PKHD1: variants seen among roughly 807,000 people sequenced by gnomAD.
PKHD1 encodes fibrocystin.
In PKHD1, 291 loss-of-function variants were observed where a neutral mutation model predicts 412.0. That is an observed-to-expected ratio of 0.71 (90% CI 0.64 to 0.78). PKHD1 has a LOEUF of 0.78. PKHD1 is among the 30% of genes least tolerant of loss of function. The probability of loss-of-function intolerance (pLI) is 0.00; values close to 1 mark genes in which losing one functional copy is unlikely to be tolerated. For missense variants in PKHD1, 4,825 were observed against 4,950.7 expected, an observed-to-expected ratio of 0.97 and a Z score of 0.76; for synonymous variants, 1,777 against 1,821.5, an observed-to-expected ratio of 0.98 and a Z score of 0.62.
intron 52 of PKHD1, among the ~76,000 whole-genome samples, chr6:51,815,277 G>A (rs909681753): frequency 2.6e-5 from 4 of 152,138 alleles, no homozygotes; most frequent in African/African-American, 7.2e-5. Context: ...CTCTGTTCTC[G>A]AGGTGACATA....
intron 63 of PKHD1, among the ~76,000 whole-genome samples, chr6:51,642,032 C>G (rs1040991232): frequency 2.6e-5 from 4 of 151,962 alleles, no homozygotes; most frequent in African/African-American, 9.7e-5. Flanking sequence ...TATCCCAGAA[C>G]TTAAAGTATA....
intron 31 of PKHD1, among the ~76,000 whole-genome samples, chr6:52,027,563 A>G (rs1370205900): frequency 1.3e-5 from 2 of 149,082 alleles, no homozygotes; most frequent in Admixed American, 6.7e-5. Context: ...GAAGAAGAAG[A>G]AGGAGAAGAA....
intron 36 of PKHD1, among the ~76,000 whole-genome samples, chr6:51,952,556 A>ATTTGC (rs1790522506): frequency 1.3e-5 from 2 of 152,140 alleles, no homozygotes; most frequent in South Asian, 4.1e-4. Flanking sequence ...GGAAGAAAAA[A>ATTTGC]TACACCTTGA....
At chr6:51,980,265 A>G (rs986276308) in intron 35 of PKHD1, among the ~76,000 whole-genome samples, 5 of 152,216 alleles carry the variant, frequency 3.3e-5, no homozygotes, top group African/African-American at 7.2e-5. Context: ...TTCAAATATT[A>G]TAGAAAATAT....
chr6:51,755,143 T>C (rs1786755179), intron 55 of PKHD1, among the ~76,000 whole-genome samples: 1 of 152,146 alleles, frequency 6.6e-6, no homozygotes, highest in Admixed American at 6.6e-5. Flanking sequence ...TGAAAATGTA[T>C]ATGTTACAGA....
intron 66 of PKHD1, among the ~76,000 whole-genome samples, chr6:51,620,748 A>C (rs1265667835): frequency 6.7e-6 from 1 of 149,942 alleles, no homozygotes; most frequent in Non-Finnish European, 1.5e-5. Context: ...AATCTGGAAA[A>C]TGAGGTAAGG....
intron 60 of PKHD1, among the ~76,000 whole-genome samples, chr6:51,740,504 T>G (rs1044789411): frequency 3.3e-5 from 5 of 152,214 alleles, no homozygotes; most frequent in African/African-American, 1.2e-4. Flanking sequence ...TCAATGACAT[T>G]TGGAATAAAT....
At position 51,831,069 on chromosome 6, in the gene PKHD1, G is replaced by A. The variant is rs894235943; in HGVS notation, c.8174-80C>T. The A allele has an allele frequency of 1.4e-5, 15 of 1,066,210 alleles. No individual in the cohort carries two copies. The African/African-American group carries it at 2.2e-4, about 16-fold the overall frequency. The allele number at this position is 1,066,210 out of a possible 1,614,324, so 66.0% of individuals were successfully genotyped here. A position where few individuals can be genotyped will look rare whatever the true frequency, so the allele number is the denominator to read the frequency against. ...TCTATCCTTATTTTAGGATGCTAGT[G>A]GTATTTTCACCTCCCAAAGAAGCTG... On this transcript the variant is annotated intron_variant, in intron 51 of 66. Coordinates refer to ENST00000371117, the MANE Select transcript of PKHD1 (RefSeq NM_138694.4).
intron 60 of PKHD1, among the ~76,000 whole-genome samples, chr6:51,661,759 T>C (rs886513539): frequency 2.0e-5 from 3 of 152,100 alleles, no homozygotes; most frequent in African/African-American, 7.2e-5. Flanking sequence ...TGATTTAAAA[T>C]TTATATTCAC....
rs781740739 is a variant in PKHD1, at chr6:52,022,828, A to G, written c.5353T>C (p.Phe1785Leu). ...RVLANATVSA[F>L]SCLVLPLDVS... is the part of the protein sequence containing the mutation. ...TCCAGGGGCAGAACCAAGCAGCTGA[A>G]GGCAGACACTGTAGCATTAGCCAGG... The change falls in exon 33 of 67, where the codon TTC becomes CTC. Residue 1785 changes from phenylalanine to leucine, a missense_variant. Physicochemically the swap from Phe to Leu is conservative, Grantham distance 22. Transcript: ENST00000371117. 7 of 1,614,124 alleles carry G rather than the reference A, an allele frequency of 4.3e-6. No homozygotes were observed. The Middle Eastern group carries it at 4.9e-4, about 114-fold the overall frequency.
intron 60 of PKHD1, among the ~76,000 whole-genome samples, chr6:51,717,672 A>G (rs573258556): frequency 2.0e-5 from 3 of 152,334 alleles, no homozygotes; most frequent in East Asian, 1.9e-4. Flanking sequence ...TGCTAACACA[A>G]TGATTAAATA....
At chr6:52,040,690 A>C (rs968358847) in intron 27 of PKHD1, among the ~76,000 whole-genome samples, 3 of 152,076 alleles carry the variant, frequency 2.0e-5, no homozygotes, top group African/African-American at 7.2e-5. Context: ...GTTCCTTCTG[A>C]CTTGAACTGT....
At chr6:51,773,627 A>G (rs1790514927) in intron 54 of PKHD1, among the ~76,000 whole-genome samples, 1 of 151,530 alleles carries the variant, frequency 6.6e-6, no homozygotes, top group Non-Finnish European at 1.5e-5. Flanking sequence ...CTGCACCCAA[A>G]TGTATTGTCT....
intron 13 of PKHD1, among the ~76,000 whole-genome samples, chr6:52,063,667 G>T (rs1809032630): frequency 6.6e-6 from 1 of 152,138 alleles, no homozygotes; most frequent in Admixed American, 6.5e-5. Context: ...ATTGCACAAT[G>T]TCTAGCAGCC....
intron 60 of PKHD1, among the ~76,000 whole-genome samples, chr6:51,732,215 G>A (rs997732887): frequency 6.6e-6 from 1 of 152,036 alleles, no homozygotes; most frequent in African/African-American, 2.4e-5. Context: ...TGTTCTGGAT[G>A]GTTAATATTC....
intron 37 of PKHD1, among the ~76,000 whole-genome samples, chr6:51,919,851 C>T (rs1047821692): frequency 1.3e-5 from 2 of 152,182 alleles, no homozygotes; most frequent in Non-Finnish European, 2.9e-5. Context: ...CTTCACATCC[C>T]TTGTAAGTTG....
chr6:51,884,200 A>C (rs1336731460), intron 45 of PKHD1, among the ~76,000 whole-genome samples: 1 of 152,202 alleles, frequency 6.6e-6, no homozygotes, highest in Non-Finnish European at 1.5e-5. Flanking sequence ...TGTAAGTAGC[A>C]TAAATTAAGG....
rs1443996043 is a variant in PKHD1 at position 51,638,873 on chromosome 6, T to C, written c.11482A>G (p.Ile3828Val). 1 of 1,593,126 alleles carries C rather than the reference T, an allele frequency of 6.3e-7. No homozygotes were observed. The highest frequency in any genetic ancestry group is 8.5e-7 in the Non-Finnish European group (1 of 1,170,158). ...CCTGGAGGAGAAGTGACAGTAAAAATAAAGTGCCAGTTTGACCCAGAGATC... is the reference window on the plus strand; with the variant it reads ...CCTGGAGGAGAAGTGACAGTAAAAACAAAGTGCCAGTTTGACCCAGAGATC... ...VLISGSNWHF[I>V]FTVTSPPGVN... Residue 3828 changes from isoleucine to valine, a missense_variant, in exon 64 of 67, where the codon ATT becomes GTT. Transcript: ENST00000371117.
At chr6:51,684,271 C>T (rs1582068142) in intron 60 of PKHD1, among the ~76,000 whole-genome samples, 1 of 152,032 alleles carries the variant, frequency 6.6e-6, no homozygotes, top group Non-Finnish European at 1.5e-5. Flanking sequence ...GGGCAGCTAC[C>T]AGGAGAGTCA....
Sources: gnomAD v4.1 joint callset for allele counts (sites outside exome capture counted in the v4.1 genomes callset) on GRCh38, gnomAD v4.1.1 for gene constraint, MANE v1.5 for transcripts, NCBI Gene and HGNC (gene_info 2026-07-23, HGNC 2026-07-21) for gene names.